Variants in ITGBL1 observed in about 807,000 individuals in gnomAD.
ITGBL1 encodes the protein integrin subunit beta like 1, also known as integrin beta-like protein 1.
A neutral mutation model predicts 68.5 loss-of-function variants in ITGBL1; 51 were observed. That is an observed-to-expected ratio of 0.74 (90% CI 0.59 to 0.94). ITGBL1 has a LOEUF of 0.94. ITGBL1 is among the 40% of genes least tolerant of loss of function. The pLI is 0.00. For synonymous variants in ITGBL1, 209 were observed against 227.3 expected, an observed-to-expected ratio of 0.92 and a Z score of 0.72; for missense variants, 649 against 647.4, an observed-to-expected ratio of 1.00 and a Z score of -0.03.
At chr13:101,476,732 CAA>C (rs953823272) in intron 2 of ITGBL1, among the ~76,000 whole-genome samples, 5 of 151,966 alleles carry the variant, frequency 3.3e-5, no homozygotes, top group Non-Finnish European at 7.4e-5. Context: ...GATTTCAAGA[CAA>C]AAACTATATA....
chr13:101,582,808 T>G (rs550175809), intron 5 of ITGBL1, among the ~76,000 whole-genome samples: 2 of 152,340 alleles, frequency 1.3e-5, no homozygotes, highest in South Asian at 2.1e-4. Flanking sequence ...CTCCAAATTC[T>G]TAGAGCATTC....
At chr13:101,705,391 T>C (rs1278288295) in intron 8 of ITGBL1, among the ~76,000 whole-genome samples, 3 of 151,932 alleles carry the variant, frequency 2.0e-5, no homozygotes, top group Non-Finnish European at 1.5e-5. Flanking sequence ...AAAAACCTTT[T>C]CACCACAGTT....
intron 7 of ITGBL1, among the ~76,000 whole-genome samples, chr13:101,618,352 T>C (rs534592205): frequency 1.3e-5 from 2 of 152,320 alleles, no homozygotes; most frequent in South Asian, 4.1e-4. Context: ...GAGTTGTTCT[T>C]CGTTTTCTAT....
intron 3 of ITGBL1, among the ~76,000 whole-genome samples, chr13:101,570,182 C>G (rs1383100177): frequency 6.6e-6 from 1 of 152,074 alleles, no homozygotes; most frequent in African/African-American, 2.4e-5. Flanking sequence ...AAGCACAATT[C>G]TTATTATTTC....
intron 2 of ITGBL1, among the ~76,000 whole-genome samples, chr13:101,504,130 T>A (rs2048987634): frequency 6.6e-6 from 1 of 152,192 alleles, no homozygotes; most frequent in Non-Finnish European, 1.5e-5. Flanking sequence ...TTGTTAAAAA[T>A]AATTATTTTG....
At chr13:101,716,629 T>C (rs913264931), downstream of ITGBL1, 8 of 152,172 alleles carry the variant, frequency 5.3e-5, no homozygotes, top group African/African-American at 1.9e-4. Flanking sequence ...AAAGACAATA[T>C]TGAGTTACAT....
intron 5 of ITGBL1, among the ~76,000 whole-genome samples, chr13:101,581,587 A>G (rs1221493008): frequency 2.6e-5 from 4 of 152,150 alleles, no homozygotes; most frequent in African/African-American, 9.7e-5. Flanking sequence ...TATGTTGTTT[A>G]TCTTTCCATA....
At chr13:101,553,754 G>C (rs2049958760) in intron 2 of ITGBL1, among the ~76,000 whole-genome samples, 1 of 151,804 alleles carries the variant, frequency 6.6e-6, no homozygotes, top group African/African-American at 2.4e-5. Flanking sequence ...AGGCATTCTC[G>C]GTGTGCCTGC....
chr13:101,556,871 C>T (rs2050015735), intron 2 of ITGBL1, among the ~76,000 whole-genome samples: 1 of 152,166 alleles, frequency 6.6e-6, no homozygotes, highest in Non-Finnish European at 1.5e-5. Flanking sequence ...AAATATGAGA[C>T]AAAACATTTT....
chr13:101,609,751 CATAAT>C (rs962862981), intron 7 of ITGBL1, among the ~76,000 whole-genome samples: 11 of 151,982 alleles, frequency 7.2e-5, no homozygotes, highest in African/African-American at 2.7e-4. Flanking sequence ...AAATAATAAA[CATAAT>C]ATATTTTAAT....
chr13:101,623,437 A>G (rs952823984), intron 7 of ITGBL1, among the ~76,000 whole-genome samples: 3 of 152,210 alleles, frequency 2.0e-5, no homozygotes, highest in Non-Finnish European at 4.4e-5. Flanking sequence ...CCAATTATCT[A>G]ACATACAATT....
At chr13:101,668,883 C>G (rs1477424279) in intron 7 of ITGBL1, among the ~76,000 whole-genome samples, 1 of 151,904 alleles carries the variant, frequency 6.6e-6, no homozygotes. Context: ...ATATTTGGAT[C>G]TATTAAAAAT....
chr13:101,621,312 T>A (rs555192863), intron 7 of ITGBL1, among the ~76,000 whole-genome samples: 34 of 152,278 alleles, frequency 2.2e-4, no homozygotes, highest in African/African-American at 8.2e-4. Context: ...TTTTTTAAAA[T>A]CTGGAAGTGT....
At position 101,532,620 on chromosome 13, in the gene ITGBL1, G is replaced by T. The variant is rs1278902065; in HGVS notation, c.317-35079G>T. Among the ~76,000 whole-genome samples, 4 of 152,276 alleles carry T rather than the reference G, an allele frequency of 2.6e-5. No homozygotes were observed. In the South Asian group the frequency reaches 8.3e-4, roughly 32 times the overall value. On this transcript the variant is annotated intron_variant, in intron 2 of 10. Coordinates refer to ENST00000376180, the MANE Select transcript of ITGBL1 (RefSeq NM_004791.3). ...AAAAAAGGAAAGTAACTGAACAAAA[G>T]AAATTCTTTGAACATGAAATTATCA...
chr13:101,498,244 A>G (rs544781851), intron 2 of ITGBL1, among the ~76,000 whole-genome samples: 2 of 152,256 alleles, frequency 1.3e-5, no homozygotes, highest in African/African-American at 4.8e-5. Context: ...AATCCCAGTG[A>G]GTAGCCTTAC....
intron 7 of ITGBL1, among the ~76,000 whole-genome samples, chr13:101,600,549 A>G (rs1057073504): frequency 5.3e-5 from 8 of 152,250 alleles, no homozygotes; most frequent in African/African-American, 1.9e-4. Context: ...GTTTTTGTCC[A>G]TTCAGTATGA....
At chr13:101,568,856 T>C (rs67688322) in intron 3 of ITGBL1, among the ~76,000 whole-genome samples, 14,260 of 152,080 alleles carry the variant, frequency 0.094, 773 homozygotes, top group East Asian at 0.15. Context: ...AATCAGACCA[T>C]ATCCAAAGCG....
chr13:101,468,928 C>T (rs114317741), intron 2 of ITGBL1, among the ~76,000 whole-genome samples: 61 of 152,300 alleles, frequency 4.0e-4, no homozygotes, highest in African/African-American at 1.3e-3. Context: ...TTTGAAGGAA[C>T]TCCTCCATAA....
intron 2 of ITGBL1, among the ~76,000 whole-genome samples, chr13:101,466,530 C>T (rs978154048): frequency 5.9e-5 from 9 of 152,266 alleles, no homozygotes; most frequent in South Asian, 2.1e-4. Context: ...CATGCTGACC[C>T]GCTTCCTCTT....
Sources: gnomAD v4.1 joint callset for allele counts (sites outside exome capture counted in the v4.1 genomes callset) on GRCh38, gnomAD v4.1.1 for gene constraint, MANE v1.5 for transcripts, NCBI Gene and HGNC (gene_info 2026-07-23, HGNC 2026-07-21) for gene names.